Variants in PPP1R42 observed in about 807,000 individuals in gnomAD.
The protein encoded by PPP1R42 is leucine rich repeat containing 67.
PPP1R42 carries 34 observed loss-of-function variants against 31.0 expected under a neutral mutation model. That is an observed-to-expected ratio of 1.10 (90% CI 0.83 to 1.46). The LOEUF is 1.46. Among genes scored for constraint, PPP1R42 ranks in the 40% most tolerant of loss-of-function variants. The pLI is 0.00. For missense variants in PPP1R42, 268 were observed against 303.0 expected, an observed-to-expected ratio of 0.88 and a Z score of 0.86; for synonymous variants, 103 against 109.8, an observed-to-expected ratio of 0.94 and a Z score of 0.39.
intron 6 of PPP1R42, among the ~76,000 whole-genome samples, chr8:66,987,674 A>G (rs1815064364): frequency 6.6e-6 from 1 of 152,168 alleles, no homozygotes; most frequent in African/African-American, 2.4e-5. Flanking sequence ...TTATAGAACT[A>G]TGAGATTTAT....
At chr8:67,009,996 G>A (rs905844455) in intron 5 of PPP1R42, among the ~76,000 whole-genome samples, 6 of 152,156 alleles carry the variant, frequency 3.9e-5, no homozygotes, top group African/African-American at 1.2e-4. Context: ...AAACTTTGAG[G>A]TCATAGCAAT....
rs762171769 is a variant in PPP1R42, at chr8:66,964,241, CAA to C, written c.*78_*79del. On this transcript the variant is annotated 3_prime_UTR_variant, in exon 8 of 8. Coordinates refer to ENST00000685739, the MANE Select transcript of PPP1R42 (RefSeq NM_001364910.1). ...GCTGAATTTACTCATTTTCCACAAA[CAA>C]ATTTTCTTTTTCTTCTGGGTTATGG... The C allele has an allele frequency of 9.1e-7, 1 of 1,095,622 alleles. No homozygotes were observed. The highest frequency in any genetic ancestry group is 1.2e-6 in the Non-Finnish European group (1 of 813,336). The allele number at this position is 1,095,622 out of a possible 1,614,324, so 67.9% of individuals were successfully genotyped here.
chr8:66,971,627 G>A lies in PPP1R42; in HGVS notation c.803-7293C>T, dbSNP rs141729856. On this transcript the variant is annotated intron_variant, in intron 7 of 7. Transcript: ENST00000685739. Reference sequence around the variant, plus strand: ...GGCTGGCATATTCTTGGACACATTCGAGGTGCTTAATAAATGTTTATTAAA... The same window carrying A: ...GGCTGGCATATTCTTGGACACATTCAAGGTGCTTAATAAATGTTTATTAAA... Among the ~76,000 whole-genome samples the A allele has an allele frequency of 2.0e-3, 298 of 152,160 alleles. 3 individuals are homozygous for A. The highest frequency in any genetic ancestry group is 6.3e-3 in the African/African-American group (260 of 41,510).
chr8:67,022,867 C>G (rs1184121775), intron 1 of PPP1R42, among the ~76,000 whole-genome samples: 1 of 152,038 alleles, frequency 6.6e-6, no homozygotes, highest in Non-Finnish European at 1.5e-5. Flanking sequence ...TTGGGTTATT[C>G]TTGGTCCTTG....
intron 5 of PPP1R42, 70 bp downstream of exon 5, chr8:67,010,645 G>T (rs117200428): frequency 0.012 from 12,179 of 1,016,752 alleles, 112 homozygotes; most frequent in Non-Finnish European, 0.016. Flanking sequence ...TTATTTTATA[G>T]CTATTACAAA....
At chr8:66,985,251 G>T (rs1242966732) in intron 6 of PPP1R42, 4 of 1,076,700 alleles carry the variant, frequency 3.7e-6, no homozygotes, top group Non-Finnish European at 5.7e-6. Context: ...ATTTAAAAGT[G>T]CGTTTCTGGC....
chr8:67,027,023 C>G (rs1295052621), intron 1 of PPP1R42: 2 of 151,758 alleles, frequency 1.3e-5, no homozygotes, highest in Admixed American at 1.3e-4. Context: ...GCCTCAGTCT[C>G]CCGAGCAGCT....
At chr8:67,003,166 C>CA (rs529377387) in intron 5 of PPP1R42, among the ~76,000 whole-genome samples, 8,734 of 57,174 alleles carry the variant, frequency 0.15, 568 homozygotes, top group African/African-American at 0.21. Context: ...AACTCCGTCT[C>CA]AAAAAAAAAA....
intron 7 of PPP1R42, chr8:66,970,818 A>G: frequency 1.5e-6 from 1 of 665,494 alleles, no homozygotes; most frequent in Non-Finnish European, 2.7e-6. Flanking sequence ...TGGGCAGACC[A>G]ACAATGAACT....
At position 66,985,536 on chromosome 8, in the gene PPP1R42, G is replaced by T. The variant is rs377450377; in HGVS notation, c.670+2864C>A. The T allele has an allele frequency of 8.5e-6, 11 of 1,293,104 alleles. No individual in the cohort carries two copies. In the East Asian group the frequency reaches 1.6e-4, roughly 19 times the overall value. 80.1% of individuals were successfully genotyped at this position (1,293,104 alleles called of 1,614,324 possible). A position where few individuals can be genotyped will look rare whatever the true frequency, so the allele number is the denominator to read the frequency against. On this transcript the variant is annotated intron_variant, in intron 6 of 7. Transcript: ENST00000685739. Reference sequence around the variant, plus strand: ...TGCCCATGTCATGGAGATTAGACGGGCCCACCATGTTGGCATTGCTGATGA... The same window carrying T: ...TGCCCATGTCATGGAGATTAGACGGTCCCACCATGTTGGCATTGCTGATGA...
intron 7 of PPP1R42, among the ~76,000 whole-genome samples, chr8:66,971,673 A>G (rs1276972662): frequency 6.6e-6 from 1 of 152,202 alleles, no homozygotes; most frequent in Non-Finnish European, 1.5e-5. Flanking sequence ...GAATTTTTCT[A>G]TAGAAGTGCT....
At chr8:66,977,593 CCTT>C (rs1457887493) in intron 7 of PPP1R42, among the ~76,000 whole-genome samples, 2 of 152,110 alleles carry the variant, frequency 1.3e-5, no homozygotes, top group Non-Finnish European at 2.9e-5. Context: ...GCAGCCTCCG[CCTT>C]CCAGGTTCAA....
chr8:66,973,030 G>A (rs1026341242), intron 7 of PPP1R42, among the ~76,000 whole-genome samples: 9 of 152,128 alleles, frequency 5.9e-5, no homozygotes, highest in African/African-American at 1.9e-4. Flanking sequence ...CTGCCTCACA[G>A]GTTATAATGA....
Position 66,974,372 on chromosome 8 carries a change from T to C in PPP1R42, c.802+7677A>G, listed in dbSNP as rs4737820. On this transcript the variant is annotated intron_variant, in intron 7 of 7. Coordinates refer to ENST00000685739, the MANE Select transcript of PPP1R42 (RefSeq NM_001364910.1). ...GAGTTGGAGACCAGTCTGACCAATA[T>C]GGTGAAACCGCATCTCTACTGAAAT... is the stretch of plus-strand genomic sequence containing the variant. 7.2e-5 allele frequency among the ~76,000 whole-genome samples: 11 copies of C among 152,086 alleles called. 1 individual carries two copies. The highest frequency in any genetic ancestry group is 1.4e-4 in the African/African-American group (6 of 41,402).
chr8:67,012,469 C>A (rs545764139), intron 4 of PPP1R42, among the ~76,000 whole-genome samples: 1 of 152,196 alleles, frequency 6.6e-6, no homozygotes, highest in African/African-American at 2.4e-5. Context: ...GCTCCCAGGC[C>A]TACATAGTTC....
At chr8:66,973,142 T>G (rs1421807471) in intron 7 of PPP1R42, among the ~76,000 whole-genome samples, 1 of 152,202 alleles carries the variant, frequency 6.6e-6, no homozygotes, top group Admixed American at 6.5e-5. Context: ...TAATTCTGAG[T>G]GCTTTCCATT....
At chr8:67,005,950 G>A (rs1012362595) in intron 5 of PPP1R42, among the ~76,000 whole-genome samples, 4 of 151,898 alleles carry the variant, frequency 2.6e-5, no homozygotes, top group African/African-American at 4.8e-5. Context: ...ACTTGTGATC[G>A]TATCCTAAAA....
intron 7 of PPP1R42, among the ~76,000 whole-genome samples, chr8:66,975,327 G>A (rs1265373849): frequency 1.3e-5 from 2 of 152,104 alleles, no homozygotes; most frequent in Admixed American, 6.6e-5. Context: ...CAGATAGTTT[G>A]TTGCTAATTT....
chr8:66,974,204 A>G (rs562651608), intron 7 of PPP1R42, among the ~76,000 whole-genome samples: 5 of 152,304 alleles, frequency 3.3e-5, no homozygotes, highest in Non-Finnish European at 7.4e-5. Context: ...ATTCCCACCA[A>G]TGGTGTGCAA....
Sources: allele counts gnomAD v4.1 joint callset (sites outside exome capture counted in the v4.1 genomes callset), GRCh38; gene constraint gnomAD v4.1.1; transcripts MANE v1.5; gene names NCBI Gene and HGNC (gene_info 2026-07-23, HGNC 2026-07-21).